SUPT20H: variants seen among roughly 807,000 people sequenced by gnomAD.
SUPT20H encodes the protein SPT20 homolog, SAGA complex component.
In SUPT20H, 82 loss-of-function variants were observed where a neutral mutation model predicts 122.8. The observed-to-expected ratio is 0.67, with a 90% confidence interval of 0.56 to 0.80. The LOEUF (loss-of-function observed/expected upper bound fraction) is 0.80, where lower values mean the gene tolerates loss of function less well. SUPT20H is among the 30% of genes least tolerant of loss of function. SUPT20H has a pLI of 0.00. For missense variants in SUPT20H, 831 were observed against 921.6 expected (o/e 0.90, Z 1.27); for synonymous variants, 291 against 313.0 (o/e 0.93, Z 0.74).
rs746691397 is a variant in SUPT20H at position 37,010,572 on chromosome 13, G to A, written c.2182C>T (p.Gln728Ter). The stretch of plus-strand genomic sequence containing the variant: ...ATTACTTGTATCTGTTGCTGCTGCT[G>A]TTGAAAGGCAGAGGAGAGCTGGAAT... ...QRFQLSSAFQ[Q>*]QQQQIQQLRF... is the part of the protein sequence containing the mutation. Residue 728 changes from glutamine (Q) to a stop codon, truncating the protein, a stop_gained, in exon 25 of 26, where the codon CAG becomes TAG. Coordinates refer to ENST00000350612, the MANE Select transcript of SUPT20H (RefSeq NM_001014286.3). LOFTEE classifies it high-confidence loss of function. 1 of 1,613,868 alleles carries A rather than the reference G, an allele frequency of 6.2e-7. No individual in the cohort carries two copies. Among genetic ancestry groups the A allele is most frequent in the Non-Finnish European group, 8.5e-7 (1 of 1,179,854 alleles).
At chr13:37,017,758 A>G (rs2060766986) in intron 22 of SUPT20H, among the ~76,000 whole-genome samples, 1 of 152,164 alleles carries the variant, frequency 6.6e-6, no homozygotes, top group Non-Finnish European at 1.5e-5. Context: ...CCCCTCATAA[A>G]TTTGTTCTAG....
intron 23 of SUPT20H, chr13:37,013,630 T>A (rs568021891): frequency 4.6e-5 from 7 of 152,126 alleles, no homozygotes; most frequent in African/African-American, 1.4e-4. Flanking sequence ...AAAGATACTG[T>A]TAACTTGGAC....
intron 24 of SUPT20H, 144 bp from the exon 25 acceptor site, chr13:37,010,799 AAATT>A (rs1566091829): frequency 3.4e-6 from 2 of 588,360 alleles, no homozygotes; most frequent in African/African-American, 1.9e-5. Flanking sequence ...ATTTCAGAAT[AAATT>A]TAGTATATGG....
At position 37,009,609 on chromosome 13, in the gene SUPT20H, ACT is replaced by A; in HGVS notation, c.*61_*62del. The A allele has an allele frequency of 6.3e-7, 1 of 1,596,550 alleles. No individual in the cohort carries two copies. On this transcript the variant is annotated 3_prime_UTR_variant, in exon 26 of 26. Transcript: ENST00000350612. Reference sequence around the variant, plus strand: ...ACATTAAAAAAAACAAAAAGTAGAAACTCAATTCTTTTGATTCAGTGCTCTTG... The same window carrying A: ...ACATTAAAAAAAACAAAAAGTAGAAACAATTCTTTTGATTCAGTGCTCTTG...
Position 37,032,011 on chromosome 13 carries a change from C to T in SUPT20H, c.708-116G>A, listed in dbSNP as rs1295180454. The T allele has an allele frequency of 1.1e-5, 9 of 849,872 alleles. No homozygotes were observed. The East Asian group carries it at 1.8e-4, about 17-fold the overall frequency. The allele number at this position is 849,872 out of a possible 1,614,324, so 52.6% of individuals were successfully genotyped here. ...AAATCGTGTTTATAGAACACTGCCA[C>T]ATGCCAAGCACAGTCCTAGGAACTA... On this transcript the variant is annotated intron_variant, in intron 10 of 25. Coordinates refer to ENST00000350612, the MANE Select transcript of SUPT20H (RefSeq NM_001014286.3).
In SUPT20H at chr13:37,024,146, T is replaced by G. The variant is rs751312421; in HGVS notation, c.1480A>C (p.Thr494Pro). The part of the protein sequence containing the change: ...QQTSSFLKSP[T>P]PPPSSKPSSI... ...GATGGCTTAGAAGAAGGAGGAGGAG[T>G]TGGAGATTTGAGAAAGCTGCTTGTC... Residue 494 changes from threonine to proline, a missense_variant, in exon 19 of 26, where the codon ACT becomes CCT. Coordinates refer to ENST00000350612, the MANE Select transcript of SUPT20H (RefSeq NM_001014286.3). 1.2e-6 allele frequency: 2 copies of G among 1,612,894 alleles called. No homozygotes were observed. The highest frequency in any genetic ancestry group is 1.7e-6 in the Non-Finnish European group (2 of 1,179,476).
Position 37,009,347 on chromosome 13 carries a change from A to C in SUPT20H, c.*325T>G. 2 of 1,045,686 alleles carry C rather than the reference A, an allele frequency of 1.9e-6. No homozygotes were observed. Among genetic ancestry groups the C allele is most frequent in the South Asian group, 1.3e-5 (1 of 74,818 alleles). The allele number at this position is 1,045,686 out of a possible 1,614,324, so 64.8% of individuals were successfully genotyped here. On this transcript the variant is annotated 3_prime_UTR_variant, in exon 26 of 26. Transcript: ENST00000350612. The stretch of plus-strand genomic sequence containing the variant: ...AGATTTGTAAAAATTGTATTTGTTA[A>C]CACTGTGCACAAACGTTTTATACTA...
chr13:37,033,690 G>C, intron 9 of SUPT20H, 102 bp from the exon 10 acceptor site: 1 of 1,275,882 alleles, frequency 7.8e-7, no homozygotes, highest in South Asian at 1.7e-5. Flanking sequence ...ATTCTGCTAA[G>C]GACTACAGTA....
At chr13:37,036,017 T>C (rs568853806) in intron 9 of SUPT20H, among the ~76,000 whole-genome samples, 2 of 152,292 alleles carry the variant, frequency 1.3e-5, no homozygotes, top group Admixed American at 1.3e-4. Context: ...AGAGAACTCT[T>C]TCATGAAAGA....
At chr13:37,024,524 GT>G in intron 17 of SUPT20H, 82 bp from the exon 18 acceptor site, 2 of 954,408 alleles carry the variant, frequency 2.1e-6, no homozygotes, top group Non-Finnish European at 2.9e-6. Flanking sequence ...TAACTTCATA[GT>G]TTATTAAATA....
At chr13:37,055,422 T>C (rs932069451) in intron 1 of SUPT20H, among the ~76,000 whole-genome samples, 3 of 152,070 alleles carry the variant, frequency 2.0e-5, no homozygotes, top group East Asian at 3.9e-4. Context: ...AACAGAGATA[T>C]AGACCAATGG....
chr13:37,015,949 C>T (rs1364966853), intron 23 of SUPT20H, among the ~76,000 whole-genome samples: 1 of 152,102 alleles, frequency 6.6e-6, no homozygotes, highest in Non-Finnish European at 1.5e-5. Flanking sequence ...TATAACTGCA[C>T]TTATATGAGG....
At position 37,018,186 on chromosome 13, in the gene SUPT20H, T is replaced by C. The variant is rs963556585; in HGVS notation, c.1873-822A>G. On this transcript the variant is annotated intron_variant, in intron 22 of 25. Transcript: ENST00000350612. ...ATCTATATCCATCACAGCTCATCAT[T>C]AGGTAAATCTAGACACAGCACAGAT... Among the ~76,000 whole-genome samples, 4 of 152,116 alleles carry C rather than the reference T, an allele frequency of 2.6e-5. No individual in the cohort carries two copies. The South Asian group carries it at 8.3e-4, about 31-fold the overall frequency.
In SUPT20H at chr13:37,028,274, T is replaced by A; in HGVS notation, c.1025A>T (p.Glu342Val). 6.2e-7 allele frequency: 1 copy of A among 1,612,210 alleles called. No homozygotes were observed. The highest frequency in any genetic ancestry group is 8.5e-7 in the Non-Finnish European group (1 of 1,179,400). ...DVKDDYVFEC[E>V]AGTQYQKTKL... Reference sequence around the variant, plus strand: ...TGTTTTCTGATACTGAGTACCAGCTTCACATTCAAATACATAATCATCTTT... The same window carrying A: ...TGTTTTCTGATACTGAGTACCAGCTACACATTCAAATACATAATCATCTTT... Residue 342 changes from glutamate (E) to valine (V), a missense_variant, in exon 14 of 26, where the codon GAA (glutamate) becomes GTA (valine). By Grantham distance (121) the Glu-to-Val change is moderately radical. Coordinates refer to ENST00000350612, the MANE Select transcript of SUPT20H (RefSeq NM_001014286.3).
In SUPT20H at chr13:37,021,617, G is replaced by A; in HGVS notation, c.1662-15C>T. The A allele has an allele frequency of 6.2e-7, 1 of 1,600,048 alleles. No homozygotes were observed. Among genetic ancestry groups the A allele is most frequent in the Middle Eastern group, 1.9e-4 (1 of 5,334 alleles). On this transcript the variant is annotated splice_polypyrimidine_tract_variant and intron_variant, in intron 20 of 25. Coordinates refer to ENST00000350612, the MANE Select transcript of SUPT20H (RefSeq NM_001014286.3). Reference sequence around the variant, plus strand: ...CCTGGGCCCCACTGCAGGAGAATAAGACAAAGCATTAAACTTCACTGTAAA... The same window carrying A: ...CCTGGGCCCCACTGCAGGAGAATAAAACAAAGCATTAAACTTCACTGTAAA...
chr13:37,013,340 A>C (rs887820697), intron 23 of SUPT20H: 6 of 152,124 alleles, frequency 3.9e-5, no homozygotes, highest in Non-Finnish European at 8.8e-5. Flanking sequence ...GAAGTAATTC[A>C]ATTCAGAAAG....
Position 37,025,316 on chromosome 13 carries a change from A to C in SUPT20H, c.1329+4T>G. ...CACAAAGAAGTAACATTAATGAAACACACATCTGTTTCTTTCCCTGGAGAA... is the reference window on the plus strand; with the variant it reads ...CACAAAGAAGTAACATTAATGAAACCCACATCTGTTTCTTTCCCTGGAGAA... On this transcript the variant is annotated splice_donor_region_variant and intron_variant, in intron 17 of 25. Transcript: ENST00000350612. The C allele has an allele frequency of 6.3e-7, 1 of 1,596,362 alleles. No individual in the cohort carries two copies. Among genetic ancestry groups the C allele is most frequent in the Non-Finnish European group, 8.6e-7 (1 of 1,163,970 alleles).
chr13:37,044,147 T>C lies in SUPT20H; in HGVS notation c.327A>G (p.Gly109=). 1 of 1,612,976 alleles carries C rather than the reference T, an allele frequency of 6.2e-7. No individual in the cohort carries two copies. Among genetic ancestry groups the C allele is most frequent in the Non-Finnish European group, 8.5e-7 (1 of 1,179,468 alleles). Residue 109 remains glycine (G), a synonymous_variant, in exon 7 of 26, where the codon GGA becomes GGG. Coordinates refer to ENST00000350612, the MANE Select transcript of SUPT20H (RefSeq NM_001014286.3). ...CTGCATCCAAATATTCAAGCAACTC[T>C]CCTTCTTCATAGGGCAGTCGAATGG... ...SETIRLPYEE[G]ELLEYLDAEE... is the part of the protein sequence containing the mutation.
chr13:37,055,686 C>A (rs1231991066), intron 1 of SUPT20H, among the ~76,000 whole-genome samples: 3 of 152,182 alleles, frequency 2.0e-5, no homozygotes, highest in African/African-American at 7.2e-5. Flanking sequence ...CTAGGCAATA[C>A]CATTCAGGAC....
Sources: allele counts gnomAD v4.1 joint callset (sites outside exome capture counted in the v4.1 genomes callset), GRCh38; gene constraint gnomAD v4.1.1; transcripts MANE v1.5; gene names NCBI Gene and HGNC (gene_info 2026-07-23, HGNC 2026-07-21).